The following LRMDA variants were observed in gnomAD, a reference collection of about 807,000 sequenced individuals.
The protein encoded by LRMDA is leucine-rich melanocyte differentiation-associated protein.
In LRMDA, 18 loss-of-function variants were observed where a neutral mutation model predicts 29.8. The ratio of observed to expected loss-of-function variants is 0.60; its 90% CI spans 0.42 to 0.90. The LOEUF (loss-of-function observed/expected upper bound fraction) is 0.90, where lower values mean the gene tolerates loss of function less well. Ranked by LOEUF, LRMDA falls within the 40% of genes least tolerant of loss-of-function variation. The pLI is 0.00. For missense variants in LRMDA, 273 were observed against 273.9 expected (o/e 1.00, Z 0.02); for synonymous variants, 125 against 109.4 (o/e 1.14, Z -0.89).
At chr10:75,716,783 T>C (rs1451077701) in intron 2 of LRMDA, among the ~76,000 whole-genome samples, 1 of 152,112 alleles carries the variant, frequency 6.6e-6, no homozygotes, top group African/African-American at 2.4e-5. Flanking sequence ...ACATAAAAGG[T>C]GAGTGACTCC....
At chr10:75,992,384 G>A (rs1000130061) in intron 2 of LRMDA, among the ~76,000 whole-genome samples, 6 of 152,138 alleles carry the variant, frequency 3.9e-5, no homozygotes, top group African/African-American at 9.7e-5. Flanking sequence ...TTTAGGCGTC[G>A]GGGAAGAATG....
chr10:75,434,704 A>G (rs2132019164), intron 1 of LRMDA, among the ~76,000 whole-genome samples: 1 of 152,346 alleles, frequency 6.6e-6, no homozygotes, highest in East Asian at 1.9e-4. Flanking sequence ...TTCCTGCCTC[A>G]GCCTCCTGAG....
chr10:75,573,334 C>T (rs1840460713), intron 2 of LRMDA, among the ~76,000 whole-genome samples: 1 of 151,962 alleles, frequency 6.6e-6, no homozygotes, highest in Non-Finnish European at 1.5e-5. Flanking sequence ...TTATTTTTCC[C>T]CAGTTCTGGA....
At chr10:75,656,404 A>G (rs1027794940) in intron 2 of LRMDA, among the ~76,000 whole-genome samples, 3 of 152,312 alleles carry the variant, frequency 2.0e-5, no homozygotes, top group African/African-American at 4.8e-5. Flanking sequence ...ATTCCATTCT[A>G]TGAATTACCT....
chr10:76,292,956 A>G (rs1421580409), intron 5 of LRMDA, among the ~76,000 whole-genome samples: 10 of 152,148 alleles, frequency 6.6e-5, no homozygotes, highest in Admixed American at 6.6e-4. Context: ...AAATGGGGAA[A>G]CAGTGTGTGT....
chr10:76,008,129 C>T (rs1258827755), intron 2 of LRMDA, among the ~76,000 whole-genome samples: 2 of 152,156 alleles, frequency 1.3e-5, no homozygotes, highest in Non-Finnish European at 2.9e-5. Flanking sequence ...GGGGAGAAGC[C>T]TCTGGAAAAC....
intron 4 of LRMDA, among the ~76,000 whole-genome samples, chr10:76,055,178 T>C (rs996631506): frequency 6.7e-6 from 1 of 148,394 alleles, no homozygotes; most frequent in African/African-American, 2.5e-5. Context: ...GGTTAGCAGG[T>C]ATTTGGAGGG....
At chr10:75,615,424 A>G (rs1297601181) in intron 2 of LRMDA, among the ~76,000 whole-genome samples, 1 of 152,182 alleles carries the variant, frequency 6.6e-6, no homozygotes, top group East Asian at 1.9e-4. Context: ...AAATGCTCCA[A>G]TAAACATTTC....
intron 4 of LRMDA, among the ~76,000 whole-genome samples, chr10:76,049,179 A>G (rs1015332702): frequency 6.6e-6 from 1 of 151,976 alleles, no homozygotes; most frequent in Non-Finnish European, 1.5e-5. Context: ...TAGCCTGGGC[A>G]CCCTCCAAGC....
intron 2 of LRMDA, among the ~76,000 whole-genome samples, chr10:75,945,967 A>G (rs1043177573): frequency 1.3e-5 from 2 of 152,158 alleles, no homozygotes; most frequent in South Asian, 2.1e-4. Context: ...ACTTTCAGCT[A>G]TATATCTCTT....
chr10:76,319,865 C>T (rs1220961307), intron 5 of LRMDA, among the ~76,000 whole-genome samples: 5 of 152,104 alleles, frequency 3.3e-5, no homozygotes, highest in Non-Finnish European at 7.3e-5. Flanking sequence ...AGTTGTAGAG[C>T]TGTGGTCTTA....
At chr10:75,922,954 C>G (rs979032810) in intron 2 of LRMDA, among the ~76,000 whole-genome samples, 1 of 152,156 alleles carries the variant, frequency 6.6e-6, no homozygotes, top group African/African-American at 2.4e-5. Context: ...ATAAAGGCTA[C>G]AGGTATCATC....
intron 2 of LRMDA, among the ~76,000 whole-genome samples, chr10:75,929,181 G>A (rs1017212342): frequency 1.3e-5 from 2 of 152,120 alleles, no homozygotes; most frequent in African/African-American, 4.8e-5. Context: ...ACAAGGTAGG[G>A]TGTGACCAGG....
intron 5 of LRMDA, among the ~76,000 whole-genome samples, chr10:76,196,520 T>A (rs1014776772): frequency 2.6e-5 from 4 of 152,326 alleles, no homozygotes; most frequent in Non-Finnish European, 1.5e-5. Flanking sequence ...GATCTCTCCC[T>A]GTGCTACTTC....
chr10:76,491,866 T>G (rs1032887354), intron 6 of LRMDA, among the ~76,000 whole-genome samples: 4 of 152,054 alleles, frequency 2.6e-5, no homozygotes, highest in Non-Finnish European at 5.9e-5. Context: ...TCATTATTTT[T>G]TATTCTTTGT....
At chr10:76,320,689 A>G (rs1840760611) in intron 5 of LRMDA, among the ~76,000 whole-genome samples, 1 of 152,224 alleles carries the variant, frequency 6.6e-6, no homozygotes, top group Admixed American at 6.5e-5. Flanking sequence ...ACACATGTAG[A>G]GATCATCCAG....
chr10:75,800,112 TTTC>T (rs1843722904), intron 2 of LRMDA, among the ~76,000 whole-genome samples: 1 of 152,184 alleles, frequency 6.6e-6, no homozygotes, highest in South Asian at 2.1e-4. Context: ...CATTTATCAA[TTTC>T]TTCTTTTACC....
intron 6 of LRMDA, chr10:76,470,508 A>G (rs1028862540): frequency 5.3e-5 from 8 of 152,040 alleles, no homozygotes; most frequent in Non-Finnish European, 1.0e-4. Context: ...ATGTCCATCA[A>G]GGGATTAATG....
At chr10:76,430,636 T>C (rs1029733870) in intron 6 of LRMDA, among the ~76,000 whole-genome samples, 2 of 152,148 alleles carry the variant, frequency 1.3e-5, no homozygotes, top group African/African-American at 4.8e-5. Flanking sequence ...ACAGTGAGTG[T>C]TTTTAGGGAT....
Sources: allele counts gnomAD v4.1 joint callset (sites outside exome capture counted in the v4.1 genomes callset), GRCh38; gene constraint gnomAD v4.1.1; transcripts MANE v1.5; gene names NCBI Gene and HGNC (gene_info 2026-07-23, HGNC 2026-07-21).